The following MRO variants were observed in gnomAD, a reference collection of about 807,000 sequenced individuals.
MRO encodes the protein protein maestro.
MRO carries 28 observed loss-of-function variants against 31.0 expected under a neutral mutation model. The ratio of observed to expected loss-of-function variants is 0.90; its 90% CI spans 0.67 to 1.24. The LOEUF (loss-of-function observed/expected upper bound fraction) is 1.24, where lower values mean the gene tolerates loss of function less well. Among genes scored for constraint, MRO ranks in the 50% most tolerant of loss-of-function variants. The pLI is 0.00. For missense variants in MRO, 332 were observed against 289.2 expected (o/e 1.15, Z -1.07); for synonymous variants, 108 against 108.4 (o/e 1.00, Z 0.02).
intron 7 of MRO, among the ~76,000 whole-genome samples, chr18:50,799,727 G>A (rs538810667): frequency 2.4e-3 from 370 of 151,998 alleles, no homozygotes; most frequent in African/African-American, 8.7e-3. Flanking sequence ...CCTGGGCAAC[G>A]TGGTGAAACC....
At chr18:50,805,079 C>T (rs1464504347) in intron 5 of MRO, 75 bp downstream of exon 5, 1 of 1,315,678 alleles carries the variant, frequency 7.6e-7, no homozygotes. Context: ...GCATGAGCCA[C>T]CGCACCCGGC....
intron 2 of MRO, among the ~76,000 whole-genome samples, chr18:50,815,925 T>C (rs180820850): frequency 1.3e-4 from 20 of 152,138 alleles, no homozygotes; most frequent in Admixed American, 2.0e-4. Context: ...TCCCAGCTAC[T>C]TGGGAGGCTG....
intron 3 of MRO, among the ~76,000 whole-genome samples, 151 bp downstream of exon 3, chr18:50,809,142 CTCAAAAAAA>C (rs1406746877): frequency 9.0e-5 from 6 of 66,482 alleles, no homozygotes; most frequent in East Asian, 4.4e-4. Context: ...GAGACTCCGT[CTCAAAAAAA>C]AAAAAAAAAA....
At chr18:50,799,491 C>T in intron 7 of MRO, 101 bp from the exon 8 acceptor site, 1 of 992,890 alleles carries the variant, frequency 1.0e-6, no homozygotes, top group East Asian at 2.4e-5. Flanking sequence ...TGTGGATAAG[C>T]AGGAGAGGTG....
At chr18:50,815,226 T>TA in intron 2 of MRO, 1 of 211,146 alleles carries the variant, frequency 4.7e-6, no homozygotes, top group Non-Finnish European at 1.0e-5. Flanking sequence ...GTGTCCTTTC[T>TA]AAATGAGATG....
chr18:50,808,137 G>A (rs551006886), intron 3 of MRO, among the ~76,000 whole-genome samples: 189 of 152,260 alleles, frequency 1.2e-3, no homozygotes, highest in African/African-American at 4.3e-3. Context: ...GTAATTGCAG[G>A]GCCAGGGATG....
chr18:50,802,922 T>TG (rs1555667899), intron 5 of MRO, among the ~76,000 whole-genome samples: 1 of 150,744 alleles, frequency 6.6e-6, no homozygotes, highest in African/African-American at 2.4e-5. Flanking sequence ...GTGTAGTGTG[T>TG]GTGTGTGTGT....
intron 4 of MRO, among the ~76,000 whole-genome samples, chr18:50,805,999 C>T (rs1009102608): frequency 8.6e-4 from 130 of 150,416 alleles, no homozygotes; most frequent in African/African-American, 3.0e-3. Context: ...CTCGCTCTGT[C>T]GCTCAGGCTG....
rs373535083 is a variant in MRO, at chr18:50,809,680, A to G, written c.-4-276T>C. On this transcript the variant is annotated intron_variant, in intron 2 of 7. Coordinates refer to ENST00000398439, the MANE Select transcript of MRO (RefSeq NM_031939.6). ...TTTCTTTTATCACTGTCACCAAAGA[A>G]GTAAAACGCAGATTCCCAGGCTCTG... is the stretch of plus-strand genomic sequence containing the variant. Among the ~76,000 whole-genome samples the G allele has an allele frequency of 2.8e-4, 43 of 152,334 alleles. No homozygotes were observed. The East Asian group carries it at 6.8e-3, about 24-fold the overall frequency.
chr18:50,819,579 A>C lies in MRO; in HGVS notation c.-5+2T>G, dbSNP rs1599047217. 1.9e-6 allele frequency: 3 copies of C among 1,551,600 alleles called. No individual in the cohort carries two copies. The highest frequency in any genetic ancestry group is 2.6e-6 in the Non-Finnish European group (3 of 1,146,960). ...GCTGCCCCGGCCAACAGTGTCCCTT[A>C]CCTGCGGCTCCTGCAGGCGGCTGCC... On this transcript the variant is annotated splice_donor_variant, in intron 2 of 7. Coordinates refer to ENST00000398439, the MANE Select transcript of MRO (RefSeq NM_031939.6). LOFTEE classifies it low-confidence loss of function (5UTR_SPLICE).
intron 2 of MRO, among the ~76,000 whole-genome samples, chr18:50,816,961 T>C (rs919374291): frequency 6.6e-6 from 1 of 152,148 alleles, no homozygotes; most frequent in African/African-American, 2.4e-5. Flanking sequence ...TTGACTTCTC[T>C]TGCAAGATTA....
intron 6 of MRO, among the ~76,000 whole-genome samples, chr18:50,800,757 G>C (rs1913220366): frequency 6.6e-6 from 1 of 151,848 alleles, no homozygotes; most frequent in South Asian, 2.1e-4. Context: ...GTGGTGGTGG[G>C]CACCTGTAAT....
At chr18:50,822,806 T>C (rs1915355368), upstream of MRO, among the ~76,000 whole-genome samples, 1 of 150,512 alleles carries the variant, frequency 6.6e-6, no homozygotes, top group Admixed American at 6.7e-5. Context: ...AGCTTCTCAT[T>C]CTTTCCTTCT....
At chr18:50,805,529 G>A (rs919886902) in intron 4 of MRO, among the ~76,000 whole-genome samples, 193 bp from the exon 5 acceptor site, 3 of 152,060 alleles carry the variant, frequency 2.0e-5, no homozygotes, top group Non-Finnish European at 4.4e-5. Flanking sequence ...CTCAGCCTAG[G>A]AAGGAAAACA....
intron 3 of MRO, among the ~76,000 whole-genome samples, chr18:50,808,776 G>C (rs934182976): frequency 6.6e-6 from 1 of 151,082 alleles, no homozygotes; most frequent in African/African-American, 2.4e-5. Context: ...TTGTATTATT[G>C]AGTTAGCAGC....
chr18:50,804,751 C>T (rs559592496), intron 5 of MRO, among the ~76,000 whole-genome samples: 1 of 152,144 alleles, frequency 6.6e-6, no homozygotes, highest in Non-Finnish European at 1.5e-5. Context: ...ATACTAGAGA[C>T]CTTGTTCCCA....
intron 5 of MRO, 74 bp downstream of exon 5, chr18:50,805,080 C>CCCA: frequency 3.8e-6 from 5 of 1,322,006 alleles, no homozygotes; most frequent in Non-Finnish European, 4.3e-6. Flanking sequence ...CATGAGCCAC[C>CCCA]GCACCCGGCC....
At chr18:50,813,546 A>C (rs1284348753) in intron 2 of MRO, among the ~76,000 whole-genome samples, 1 of 152,144 alleles carries the variant, frequency 6.6e-6, no homozygotes, top group Non-Finnish European at 1.5e-5. Context: ...AATAATTTCT[A>C]TTTCTAACAA....
In MRO at chr18:50,796,198, A is replaced by G. The variant is rs1312494233; in HGVS notation, c.*3139T>C. On this transcript the variant is annotated 3_prime_UTR_variant, in exon 8 of 8. Transcript: ENST00000398439. ...ATGCACAAGCATAAAAGTAACCTGT[A>G]CATTGGTTATAAGGAATGAAATTGG... 6.6e-6 allele frequency: 1 copy of G among 152,202 alleles called. No individual in the cohort carries two copies. Among genetic ancestry groups the G allele is most frequent in the Non-Finnish European group, 1.5e-5 (1 of 68,038 alleles). The allele number at this position is 152,202 out of a possible 1,614,324, so 9.4% of individuals were successfully genotyped here.
Sources: gnomAD v4.1 joint callset for allele counts (sites outside exome capture counted in the v4.1 genomes callset) on GRCh38, gnomAD v4.1.1 for gene constraint, MANE v1.5 for transcripts, NCBI Gene and HGNC (gene_info 2026-07-23, HGNC 2026-07-21) for gene names.